LIPC: variants seen among roughly 807,000 people sequenced by gnomAD.
The protein encoded by LIPC is lipase C, hepatic type, also known as hepatic triacylglycerol lipase.
LIPC carries 44 observed loss-of-function variants against 50.7 expected under a neutral mutation model. That is an observed-to-expected ratio of 0.87 (90% CI 0.68 to 1.11). The LOEUF is 1.11. LIPC is among the 50% of genes most tolerant of loss of function. The probability of loss-of-function intolerance (pLI) is 0.00; values close to 1 mark genes in which losing one functional copy is unlikely to be tolerated. For synonymous variants in LIPC, 271 were observed against 256.4 expected (o/e 1.06, Z -0.54); for missense variants, 697 against 648.2 (o/e 1.08, Z -0.82).
intron 1 of LIPC, among the ~76,000 whole-genome samples, chr15:58,478,233 C>CT (rs1303066901): frequency 8.5e-5 from 13 of 152,222 alleles, no homozygotes; most frequent in African/African-American, 3.1e-4. Flanking sequence ...TCTCACATTT[C>CT]TTTTTTTGTT....
Position 58,523,840 on chromosome 15 carries a change from A to T in LIPC, c.89-14493A>T, listed in dbSNP as rs373373339. On this transcript the variant is annotated intron_variant, in intron 1 of 8. Coordinates refer to ENST00000299022, the MANE Select transcript of LIPC (RefSeq NM_000236.3). ...ATCCCAGCTACTTGAGAAGCTGAGG[A>T]GGGAGGATCGCTTGAGCCCAAGAGG... is the stretch of plus-strand genomic sequence containing the variant. 3.3e-5 allele frequency among the ~76,000 whole-genome samples: 5 copies of T among 152,226 alleles called. No homozygotes were observed. The South Asian group carries it at 1.0e-3, about 32-fold the overall frequency.
Position 58,538,485 on chromosome 15 carries a change from C to T in LIPC, c.241C>T (p.Leu81=). The change falls in exon 2 of 9, where the codon CTG becomes TTG. Residue 81 remains leucine, a synonymous_variant. Coordinates refer to ENST00000299022, the MANE Select transcript of LIPC (RefSeq NM_000236.3). ...ACAGGAGTGCGGCTTCAACTCCTCC[C>T]TGCCTCTGGTGATGATAATCCACGG... The part of the protein sequence containing the change: ...TLQECGFNSS[L]PLVMIIHGWS... 1 of 1,614,198 alleles carries T rather than the reference C, an allele frequency of 6.2e-7. No homozygotes were observed. Among genetic ancestry groups the T allele is most frequent in the Non-Finnish European group, 8.5e-7 (1 of 1,180,030 alleles).
chr15:58,452,943 T>C (rs1251639242), intron 1 of LIPC, among the ~76,000 whole-genome samples: 2 of 152,186 alleles, frequency 1.3e-5, no homozygotes, highest in Non-Finnish European at 2.9e-5. Flanking sequence ...GTGGATGTGG[T>C]TTTCTGAGGG....
intron 1 of LIPC, among the ~76,000 whole-genome samples, chr15:58,492,617 C>T (rs1891624095): frequency 6.6e-6 from 1 of 152,180 alleles, no homozygotes; most frequent in Admixed American, 6.5e-5. Context: ...TCTGTGCCAC[C>T]CAGCTCTGCA....
At chr15:58,562,014 C>T (rs1894181698) in intron 7 of LIPC, among the ~76,000 whole-genome samples, 1 of 152,224 alleles carries the variant, frequency 6.6e-6, no homozygotes, top group Admixed American at 6.5e-5. Context: ...ATACAGGGCA[C>T]TGTGGTAGGC....
chr15:58,446,852 G>A (rs971363829), intron 1 of LIPC, among the ~76,000 whole-genome samples: 1 of 152,124 alleles, frequency 6.6e-6, no homozygotes, highest in Non-Finnish European at 1.5e-5. Context: ...CCTTTAAAAA[G>A]TGAGTGAGTT....
intron 1 of LIPC, among the ~76,000 whole-genome samples, chr15:58,534,033 C>A (rs1893040193): frequency 1.3e-5 from 2 of 152,122 alleles, no homozygotes; most frequent in African/African-American, 2.4e-5. Context: ...TTTGGTGACC[C>A]AGTAGAGAGG....
chr15:58,438,165 C>T (rs1378015630), intron 1 of LIPC, among the ~76,000 whole-genome samples: 1 of 152,172 alleles, frequency 6.6e-6, no homozygotes, highest in Admixed American at 6.5e-5. Context: ...TCTCCCTGCC[C>T]TCCTCTCCAC....
At chr15:58,568,233 C>T (rs773169700) in intron 8 of LIPC, among the ~76,000 whole-genome samples, 3 of 152,126 alleles carry the variant, frequency 2.0e-5, no homozygotes, top group Non-Finnish European at 2.9e-5. Flanking sequence ...CAGGGCTGAG[C>T]CAGGCAGAAA....
intron 1 of LIPC, among the ~76,000 whole-genome samples, chr15:58,500,269 G>A (rs1471142637): frequency 6.6e-6 from 1 of 152,160 alleles, no homozygotes; most frequent in African/African-American, 2.4e-5. Flanking sequence ...TAGGTAAGGT[G>A]GGAATGGAAA....
At chr15:58,519,696 GT>G (rs1892595129) in intron 1 of LIPC, among the ~76,000 whole-genome samples, 1 of 152,228 alleles carries the variant, frequency 6.6e-6, no homozygotes, top group African/African-American at 2.4e-5. Flanking sequence ...GAATAGCGCA[GT>G]TTTGATTAAA....
In LIPC at chr15:58,541,975, C is replaced by T. The variant is rs1249922268; in HGVS notation, c.456+8C>T. Reference sequence around the variant, plus strand: ...CTTCTCCGGTGGCTGGAGGTACCGACCTGCCCCATCCTTCCTTCACCTCCC... The same window carrying T: ...CTTCTCCGGTGGCTGGAGGTACCGATCTGCCCCATCCTTCCTTCACCTCCC... On this transcript the variant is annotated splice_region_variant and intron_variant, in intron 3 of 8. Transcript: ENST00000299022. 4.4e-6 allele frequency: 7 copies of T among 1,603,380 alleles called. No individual in the cohort carries two copies. The highest frequency in any genetic ancestry group is 2.7e-5 in the African/African-American group (2 of 74,632).
At chr15:58,433,473 G>A (rs762776478) in intron 1 of LIPC, among the ~76,000 whole-genome samples, 19 of 152,248 alleles carry the variant, frequency 1.2e-4, no homozygotes, top group Middle Eastern at 6.8e-3. Context: ...GCTCTTTTGC[G>A]TCTGGCTTCT....
chr15:58,469,933 AT>A (rs11369488), intron 1 of LIPC, among the ~76,000 whole-genome samples: 35 of 138,320 alleles, frequency 2.5e-4, no homozygotes, highest in Admixed American at 3.6e-4. Context: ...TCTTCATGGA[AT>A]TTTTTTTTTT....
intron 1 of LIPC, chr15:58,435,437 C>T (rs1229922629): frequency 1.4e-5 from 2 of 147,158 alleles, no homozygotes; most frequent in African/African-American, 5.1e-5. Context: ...GGGGGCTGCA[C>T]AGCCGTCCCC....
intron 6 of LIPC, among the ~76,000 whole-genome samples, chr15:58,552,339 A>G (rs1869146): frequency 0.97 from 148,023 of 152,280 alleles, 72,100 homozygotes; most frequent in East Asian, 1. Context: ...AGCAGGAAGC[A>G]TCGCATTGAA....
chr15:58,544,485 T>A (rs1411603990), intron 4 of LIPC, among the ~76,000 whole-genome samples: 2 of 132,270 alleles, frequency 1.5e-5, no homozygotes, highest in Admixed American at 1.9e-4. Flanking sequence ...AGCCTCCACC[T>A]CCCTGGTTCA....
chr15:58,453,896 A>G (rs973830039), intron 1 of LIPC, among the ~76,000 whole-genome samples: 1 of 151,814 alleles, frequency 6.6e-6, no homozygotes, highest in Non-Finnish European at 1.5e-5. Flanking sequence ...AAAGAAAAAG[A>G]AAAAAAATGG....
intron 1 of LIPC, among the ~76,000 whole-genome samples, chr15:58,471,386 G>T (rs1020873774): frequency 4.0e-5 from 6 of 148,930 alleles, no homozygotes; most frequent in Non-Finnish European, 7.4e-5. Context: ...GACCTCAAAT[G>T]ATCCACCAGC....
Sources: gnomAD v4.1 joint callset for allele counts (sites outside exome capture counted in the v4.1 genomes callset) on GRCh38, gnomAD v4.1.1 for gene constraint, MANE v1.5 for transcripts, NCBI Gene and HGNC (gene_info 2026-07-23, HGNC 2026-07-21) for gene names.